FIRRM: variants seen among roughly 807,000 people sequenced by gnomAD.
FIRRM encodes FIGNL1 interacting regulator of recombination and mitosis.
chr1:169,817,052 A>G, the FIRRM span, among the ~76,000 whole-genome samples: 1 of 152,182 alleles, frequency 6.6e-6, no homozygotes, highest in Non-Finnish European at 1.5e-5. Flanking sequence ...AAAGCTCACA[A>G]CAGCTCAAAA....
At chr1:169,787,157 A>C in the FIRRM span, among the ~76,000 whole-genome samples, 3 of 152,126 alleles carry the variant, frequency 2.0e-5, no homozygotes, top group Non-Finnish European at 4.4e-5. Context: ...GCTCATTTTG[A>C]TGCTTTCCCT....
chr1:169,812,754 G>A, the FIRRM span, among the ~76,000 whole-genome samples: 1 of 151,964 alleles, frequency 6.6e-6, no homozygotes, highest in Non-Finnish European at 1.5e-5. Flanking sequence ...CTACTTGGGA[G>A]GCTGAGGCAG....
chr1:169,810,436 A>T, the FIRRM span, among the ~76,000 whole-genome samples: 2 of 152,144 alleles, frequency 1.3e-5, no homozygotes, highest in African/African-American at 4.8e-5. Flanking sequence ...GTGTGTCAAT[A>T]GGGCCATGTT....
chr1:169,798,820 T>C, the FIRRM span: 1 of 646,384 alleles, frequency 1.5e-6, no homozygotes, highest in Non-Finnish European at 2.2e-6. Flanking sequence ...TTATGAGTCA[T>C]TGCTTAAATT....
At chr1:169,833,871 TA>T in the FIRRM span, among the ~76,000 whole-genome samples, 3 of 100,430 alleles carry the variant, frequency 3.0e-5, no homozygotes, top group Non-Finnish European at 6.4e-5. Flanking sequence ...TTTTTTTTTT[TA>T]AATAGAGACA....
the FIRRM span, among the ~76,000 whole-genome samples, chr1:169,834,709 A>G: frequency 6.6e-6 from 1 of 152,180 alleles, no homozygotes; most frequent in Non-Finnish European, 1.5e-5. Flanking sequence ...CAGGAGGATC[A>G]GAGGATCTTT....
chr1:169,788,954 A>C, the FIRRM span, among the ~76,000 whole-genome samples: 9 of 152,228 alleles, frequency 5.9e-5, no homozygotes, highest in African/African-American at 2.2e-4. Flanking sequence ...TAATTCCTTG[A>C]AAAGGCAGAA....
chr1:169,789,699 TGA>T, the FIRRM span, among the ~76,000 whole-genome samples: 79 of 152,204 alleles, frequency 5.2e-4, no homozygotes, highest in African/African-American at 1.4e-3. Flanking sequence ...GGGAATGGGA[TGA>T]GAGAGAGTGG....
the FIRRM span, among the ~76,000 whole-genome samples, chr1:169,819,520 TC>T: frequency 2.6e-5 from 4 of 152,268 alleles, no homozygotes; most frequent in South Asian, 8.3e-4. Context: ...TTGAGAGGGA[TC>T]TATCCACTTT....
chr1:169,795,998 T>C, the FIRRM span: 40,845 of 980,880 alleles, frequency 0.042, 1,001 homozygotes, highest in South Asian at 0.1. Context: ...ACCATATGTA[T>C]ATGTATCTTT....
chr1:169,849,545 G>A, the FIRRM span: 1 of 1,614,044 alleles, frequency 6.2e-7, no homozygotes, highest in Non-Finnish European at 8.5e-7. Flanking sequence ...CTTACTGCTA[G>A]CTGACAGGAG....
the FIRRM span, among the ~76,000 whole-genome samples, chr1:169,785,310 G>T: frequency 6.6e-6 from 1 of 152,192 alleles, no homozygotes; most frequent in Non-Finnish European, 1.5e-5. Flanking sequence ...GCCCAAGTGG[G>T]CATGTGTTAC....
the FIRRM span, chr1:169,847,882 T>C: frequency 0.023 from 21,805 of 956,998 alleles, 326 homozygotes; most frequent in Middle Eastern, 0.027. Context: ...TTTTTAGGCT[T>C]TTTCTGAAAT....
At chr1:169,820,678 C>T in the FIRRM span, among the ~76,000 whole-genome samples, 1 of 152,192 alleles carries the variant, frequency 6.6e-6, no homozygotes, top group Admixed American at 6.5e-5. Context: ...GTAAGTTAGG[C>T]CTCTAACCCA....
At chr1:169,832,679 C>T in the FIRRM span, among the ~76,000 whole-genome samples, 1 of 152,018 alleles carries the variant, frequency 6.6e-6, no homozygotes, top group Non-Finnish European at 1.5e-5. Context: ...TCACAGCTCA[C>T]TGCAGCCTCG....
At chr1:169,853,928 T>G in the FIRRM span, 2 of 810,548 alleles carry the variant, frequency 2.5e-6, no homozygotes, top group South Asian at 3.6e-5. Flanking sequence ...AACAGAAAGT[T>G]GAAAAGTAGG....
chr1:169,800,156 T>G, the FIRRM span, among the ~76,000 whole-genome samples: 1 of 152,138 alleles, frequency 6.6e-6, no homozygotes, highest in Non-Finnish European at 1.5e-5. Flanking sequence ...ACCTCAGCCT[T>G]CCAAGTAGCT....
chr1:169,849,527 A>G, the FIRRM span: 5 of 1,613,998 alleles, frequency 3.1e-6, no homozygotes, highest in East Asian at 4.5e-5. Context: ...CCTGTCCTGT[A>G]TGTTTGCCTT....
chr1:169,815,497 G>T, the FIRRM span, among the ~76,000 whole-genome samples: 3 of 152,062 alleles, frequency 2.0e-5, no homozygotes, highest in Non-Finnish European at 4.4e-5. Flanking sequence ...GTAACTTCTG[G>T]TTGTTGCCAG....
Sources: gnomAD v4.1 joint callset for allele counts (sites outside exome capture counted in the v4.1 genomes callset) on GRCh38, gnomAD v4.1.1 for gene constraint, MANE v1.5 for transcripts, NCBI Gene and HGNC (gene_info 2026-07-23, HGNC 2026-07-21) for gene names.